COP1: variants seen among roughly 807,000 people sequenced by gnomAD.
COP1 encodes the protein E3 ubiquitin-protein ligase COP1.
A neutral mutation model predicts 101.3 loss-of-function variants in COP1; 24 were observed. The observed-to-expected ratio is 0.24, with a 90% CI of 0.17 to 0.33. The LOEUF is 0.33. Among genes scored for constraint, COP1 ranks in the 10% least tolerant of loss-of-function variants. The pLI is 1.00. For missense variants in COP1, 663 were observed against 906.2 expected (o/e 0.73, Z 3.45); for synonymous variants, 347 against 341.9 (o/e 1.01, Z -0.17).
chr1:175,950,621 A>C (rs1316663646), intron 18 of COP1, among the ~76,000 whole-genome samples: 1 of 152,200 alleles, frequency 6.6e-6, no homozygotes, highest in African/African-American at 2.4e-5. Flanking sequence ...AAATAAAATA[A>C]AAGTGTGAGT....
intron 9 of COP1, among the ~76,000 whole-genome samples, chr1:176,096,769 T>C (rs937081142): frequency 5.9e-5 from 9 of 152,202 alleles, no homozygotes; most frequent in African/African-American, 1.2e-4. Flanking sequence ...AGGATTTATA[T>C]TGGTCTTAAG....
chr1:175,991,183 G>C, intron 15 of COP1, among the ~76,000 whole-genome samples: 1 of 152,070 alleles, frequency 6.6e-6, no homozygotes. Context: ...TTTCATCACT[G>C]TGTGAGCATA....
chr1:176,125,355 T>C (rs1245688753), intron 8 of COP1, among the ~76,000 whole-genome samples: 1 of 152,176 alleles, frequency 6.6e-6, no homozygotes, highest in Non-Finnish European at 1.5e-5. Context: ...TGTTTTCTTG[T>C]AGTAGTTTCA....
At chr1:176,114,673 G>A (rs1006647773) in intron 9 of COP1, among the ~76,000 whole-genome samples, 12 of 151,800 alleles carry the variant, frequency 7.9e-5, no homozygotes, top group East Asian at 2.0e-4. Flanking sequence ...CTATAACCAC[G>A]GCCTCCTGGG....
At chr1:176,046,436 C>A in intron 11 of COP1, 112 bp from the exon 12 acceptor site, 1 of 927,634 alleles carries the variant, frequency 1.1e-6, no homozygotes, top group East Asian at 2.7e-5. Flanking sequence ...TCAAATTGTA[C>A]TAGACCTCAT....
At chr1:176,047,395 CAA>C (rs1671706694) in intron 11 of COP1, among the ~76,000 whole-genome samples, 1 of 152,014 alleles carries the variant, frequency 6.6e-6, no homozygotes, top group Non-Finnish European at 1.5e-5. Flanking sequence ...GTAAATTGCC[CAA>C]AGTTAGTCAA....
At position 176,019,691 on chromosome 1, in the gene COP1, T is replaced by G. The variant is rs184320024; in HGVS notation, c.1729+7881A>C. 7.9e-5 allele frequency among the ~76,000 whole-genome samples: 12 copies of G among 151,550 alleles called. No individual in the cohort carries two copies. The East Asian group carries it at 2.4e-3, about 30-fold the overall frequency. On this transcript the variant is annotated intron_variant, in intron 15 of 19. Transcript: ENST00000367669. ...CCCTGGGTAACATAGTGAAAATACG[T>G]TTTTCCAAAAAATATGAACATTAGC...
chr1:176,148,965 T>C (rs753496715), intron 6 of COP1, 41 bp downstream of exon 6: 5 of 1,260,064 alleles, frequency 4.0e-6, no homozygotes, highest in Non-Finnish European at 4.5e-6. Flanking sequence ...CAGTTAACAA[T>C]AGTAAATAAA....
At chr1:176,139,926 G>A (rs988883657) in intron 6 of COP1, among the ~76,000 whole-genome samples, 3 of 151,986 alleles carry the variant, frequency 2.0e-5, no homozygotes, top group South Asian at 4.2e-4. Context: ...TAAGAAACCC[G>A]TACATGTACT....
intron 9 of COP1, among the ~76,000 whole-genome samples, chr1:176,097,367 C>G (rs1260048178): frequency 5.9e-5 from 9 of 152,114 alleles, no homozygotes; most frequent in Middle Eastern, 3.4e-3. Flanking sequence ...CTGTTTTTGC[C>G]TCATTTATGC....
chr1:175,988,533 T>A, intron 16 of COP1, 121 bp from the exon 17 acceptor site: 1 of 935,698 alleles, frequency 1.1e-6, no homozygotes, highest in Non-Finnish European at 1.6e-6. Context: ...CCAGACTGAG[T>A]TAGCACGTTC....
At chr1:176,072,387 C>T (rs563389614) in intron 11 of COP1, among the ~76,000 whole-genome samples, 1 of 152,242 alleles carries the variant, frequency 6.6e-6, no homozygotes, top group Non-Finnish European at 1.5e-5. Flanking sequence ...AGGTAAGGCC[C>T]CTGCCTAGAT....
intron 6 of COP1, among the ~76,000 whole-genome samples, chr1:176,137,254 C>T (rs1328583475): frequency 6.6e-6 from 1 of 152,116 alleles, no homozygotes; most frequent in Non-Finnish European, 1.5e-5. Context: ...TGTTGAATAA[C>T]ACTTAATATA....
At chr1:175,967,864 ATTTCT>A (rs1483070284) in intron 18 of COP1, among the ~76,000 whole-genome samples, 2 of 151,676 alleles carry the variant, frequency 1.3e-5, no homozygotes, top group Non-Finnish European at 2.9e-5. Context: ...GAAGAATAAT[ATTTCT>A]TTTTTCTTTT....
intron 3 of COP1, among the ~76,000 whole-genome samples, chr1:176,167,427 T>C (rs1176899580): frequency 6.6e-6 from 1 of 152,088 alleles, no homozygotes; most frequent in African/African-American, 2.4e-5. Context: ...AATGAATGAA[T>C]GAATGAATGA....
At chr1:176,108,030 C>T (rs1430575130) in intron 9 of COP1, among the ~76,000 whole-genome samples, 2 of 28,040 alleles carry the variant, frequency 7.1e-5, no homozygotes, top group African/African-American at 1.1e-4. Context: ...GGTCCTGGAC[C>T]AGATTTTTTT....
intron 18 of COP1, among the ~76,000 whole-genome samples, chr1:175,955,127 G>A (rs1453730094): frequency 1.3e-5 from 2 of 151,932 alleles, no homozygotes; most frequent in African/African-American, 2.4e-5. Context: ...TGCACCTGTA[G>A]TCCCAGCTAC....
intron 2 of COP1, among the ~76,000 whole-genome samples, chr1:176,182,317 T>C (rs1266660256): frequency 6.6e-6 from 1 of 152,182 alleles, no homozygotes. Flanking sequence ...TGACAAAGGT[T>C]AGGTAAGTTT....
intron 11 of COP1, among the ~76,000 whole-genome samples, chr1:176,053,456 A>C (rs545886144): frequency 1.3e-5 from 2 of 152,292 alleles, no homozygotes; most frequent in East Asian, 3.9e-4. Flanking sequence ...CATTTTCTTA[A>C]AAATTATTCC....
Sources: gnomAD v4.1 joint callset for allele counts (sites outside exome capture counted in the v4.1 genomes callset) on GRCh38, gnomAD v4.1.1 for gene constraint, MANE v1.5 for transcripts, NCBI Gene and HGNC (gene_info 2026-07-23, HGNC 2026-07-21) for gene names.